Variants in RUFY1 observed in about 807,000 individuals in gnomAD.
The protein encoded by RUFY1 is RUN and FYVE domain-containing protein 1.
A neutral mutation model predicts 94.6 loss-of-function variants in RUFY1; 54 were observed. That is an observed-to-expected ratio of 0.57 (90% CI 0.46 to 0.72). The LOEUF is 0.72. Among genes scored for constraint, RUFY1 ranks in the 30% least tolerant of loss-of-function variants. The pLI, the probability that RUFY1 is intolerant of heterozygous loss-of-function variation, is 0.00. For missense variants in RUFY1, 883 were observed against 883.9 expected (o/e 1.00, Z 0.01); for synonymous variants, 396 against 347.3 (o/e 1.14, Z -1.56).
intron 9 of RUFY1, chr5:179,590,713 C>G (rs1233984948): frequency 1.3e-5 from 2 of 151,792 alleles, no homozygotes; most frequent in African/African-American, 2.4e-5. Context: ...GTCTCGATCT[C>G]CTGACCTCGT....
chr5:179,589,805 C>T (rs1430499748), intron 9 of RUFY1, among the ~76,000 whole-genome samples, 158 bp downstream of exon 9: 1 of 152,242 alleles, frequency 6.6e-6, no homozygotes, highest in Non-Finnish European at 1.5e-5. Flanking sequence ...GCCCACATCA[C>T]TCTCAGACCA....
chr5:179,573,599 T>C (rs1407093718), intron 5 of RUFY1, among the ~76,000 whole-genome samples: 1 of 149,916 alleles, frequency 6.7e-6, no homozygotes, highest in Non-Finnish European at 1.5e-5. Flanking sequence ...CTCCACTCAC[T>C]GCAACCTCCG....
intron 3 of RUFY1, among the ~76,000 whole-genome samples, chr5:179,563,566 A>C (rs756479814): frequency 4.6e-5 from 7 of 152,220 alleles, no homozygotes; most frequent in Middle Eastern, 3.2e-3. Context: ...AGCCCTGTGC[A>C]TTCTTCTCAA....
chr5:179,600,684 C>CTTTTTTTTTT lies in RUFY1; in HGVS notation c.1762-1187_1762-1178dup, dbSNP rs398000079. ...AGCCTCATTTGTCCTATGATGGTAA[C>CTTTTTTTTTT]TTTTTTTTTTTTTTTTTTTTTTTTT... On this transcript the variant is annotated intron_variant, in intron 14 of 17. Transcript: ENST00000319449. 1.6e-3 allele frequency among the ~76,000 whole-genome samples: 87 copies of CTTTTTTTTTT among 54,716 alleles called. 8 individuals are homozygous for CTTTTTTTTTT. The highest frequency in any genetic ancestry group is 5.2e-3 in the African/African-American group (65 of 12,452). 35.9% of individuals were successfully genotyped at this position (54,716 alleles called of 152,430 possible).
At position 179,573,803 on chromosome 5, in the gene RUFY1, T is replaced by G. The variant is rs866445298; in HGVS notation, c.829-3272T>G. On this transcript the variant is annotated intron_variant, in intron 5 of 17. Coordinates refer to ENST00000319449, the MANE Select transcript of RUFY1 (RefSeq NM_025158.5). ...TCCCAAAGTGCTGGGATTACAGGCG[T>G]GAGCCACCGTGCCCGGCCTACTTTG... Among the ~76,000 whole-genome samples, 15 of 152,276 alleles carry G rather than the reference T, an allele frequency of 9.9e-5. No homozygotes were observed. The Middle Eastern group carries it at 0.01, about 104-fold the overall frequency.
chr5:179,577,706 C>T (rs868600112), intron 6 of RUFY1, among the ~76,000 whole-genome samples: 2 of 151,042 alleles, frequency 1.3e-5, no homozygotes, highest in African/African-American at 2.4e-5. Flanking sequence ...TGATTGGGCC[C>T]GGTGGTGTGG....
Position 179,565,081 on chromosome 5 carries a change from A to C in RUFY1, c.603-2380A>C, listed in dbSNP as rs574292039. Among the ~76,000 whole-genome samples the C allele has an allele frequency of 6.6e-5, 10 of 152,160 alleles. No homozygotes were observed. In the South Asian group the frequency reaches 1.2e-3, roughly 19 times the overall value. On this transcript the variant is annotated intron_variant, in intron 3 of 17. Transcript: ENST00000319449. ...TCGGAAATGAACTTAAACAGAGGAC[A>C]CTATATTAGTGTATAGGGGAGGGGG...
At chr5:179,593,133 T>C (rs1019584447) in intron 10 of RUFY1, among the ~76,000 whole-genome samples, 5 of 152,142 alleles carry the variant, frequency 3.3e-5, no homozygotes, top group African/African-American at 1.2e-4. Flanking sequence ...CAGGCTGGAG[T>C]GGTGTGATTT....
intron 4 of RUFY1, among the ~76,000 whole-genome samples, chr5:179,568,262 AAAT>A (rs1762981873): frequency 6.6e-6 from 1 of 152,214 alleles, no homozygotes; most frequent in Non-Finnish European, 1.5e-5. Context: ...AAAAATAAAA[AAAT>A]AAGTATATAA....
chr5:179,563,461 G>A (rs773984598), intron 3 of RUFY1, among the ~76,000 whole-genome samples: 4 of 152,264 alleles, frequency 2.6e-5, no homozygotes, highest in Admixed American at 2.0e-4. Flanking sequence ...TAACTTGCCC[G>A]AGGTGCCTTG....
intron 14 of RUFY1, among the ~76,000 whole-genome samples, chr5:179,601,587 G>A (rs1189982106): frequency 7.3e-5 from 11 of 150,986 alleles, no homozygotes; most frequent in Non-Finnish European, 1.5e-4. Flanking sequence ...TTGGGAGGCC[G>A]AGGCGGGCAG....
intron 6 of RUFY1, among the ~76,000 whole-genome samples, chr5:179,578,673 C>T (rs565014606): frequency 3.9e-5 from 6 of 152,142 alleles, no homozygotes; most frequent in South Asian, 4.1e-4. Flanking sequence ...GACCGAGTTT[C>T]GCTCTTGTTG....
rs769024218 is a variant in RUFY1, at chr5:179,593,536, T to C, written c.1304T>C (p.Met435Thr). ...IGMKTEMEIA[M>T]KLLEKDTHEK... ...ATGAAAACCGAAATGGAAATTGCAA[T>C]GAAGTTACTGGAAAAGGACACCCAC... The change falls in exon 11 of 18, where the codon ATG becomes ACG. Residue 435 changes from methionine to threonine, a missense_variant. Coordinates refer to ENST00000319449, the MANE Select transcript of RUFY1 (RefSeq NM_025158.5). 1.7e-5 allele frequency: 27 copies of C among 1,613,744 alleles called. No homozygotes were observed. The highest frequency in any genetic ancestry group is 2.0e-5 in the Non-Finnish European group (24 of 1,179,774).
Position 179,609,465 on chromosome 5 carries a change from G to T in RUFY1, c.2073G>T (p.Val691=). 1.2e-6 allele frequency: 2 copies of T among 1,611,584 alleles called. No homozygotes were observed. Among genetic ancestry groups the T allele is most frequent in the Non-Finnish European group, 1.7e-6 (2 of 1,179,720 alleles). The change falls in exon 18 of 18, where the codon GTG becomes GTT. Residue 691 remains valine (V), a synonymous_variant. Transcript: ENST00000319449. ...ALPSYPKPVR[V]CDSCHTLLLQ... ...CCTCCTACCCCAAGCCGGTGCGAGT[G>T]TGCGACAGCTGCCACACCCTGCTCC...
chr5:179,605,520 G>A (rs1766977060), intron 15 of RUFY1, among the ~76,000 whole-genome samples: 1 of 152,216 alleles, frequency 6.6e-6, no homozygotes, highest in African/African-American at 2.4e-5. Context: ...TCAGGTTCCT[G>A]CTGGGGAGAG....
At chr5:179,608,182 T>C (rs35654688) in intron 17 of RUFY1, 33,725 of 447,948 alleles carry the variant, frequency 0.075, 1,356 homozygotes, top group South Asian at 0.11. Context: ...ACCAGCTGGG[T>C]AGGGGAAGAG....
rs373344091 is a variant in RUFY1 at position 179,565,137 on chromosome 5, TATGCCTTTTA to T, written c.603-2321_603-2312del. ...AAGGTGGAGGACAAGGAGACAAGTA[TATGCCTTTTA>T]ATACTTTCTAGGTTTTCTTTTTTTT... On this transcript the variant is annotated intron_variant, in intron 3 of 17. Transcript: ENST00000319449. Among the ~76,000 whole-genome samples, 806 of 150,812 alleles carry T rather than the reference TATGCCTTTTA, an allele frequency of 5.3e-3. 14 individuals carry two copies. Among genetic ancestry groups the T allele is most frequent in the African/African-American group, 0.019 (761 of 41,080 alleles).
chr5:179,573,842 G>A (rs1034732230), intron 5 of RUFY1, among the ~76,000 whole-genome samples: 2 of 152,086 alleles, frequency 1.3e-5, no homozygotes, highest in Non-Finnish European at 2.9e-5. Context: ...TTTTTTAAGA[G>A]ATGAATGTTG....
chr5:179,567,515 AC>A lies in RUFY1; in HGVS notation c.658del (p.Leu220TrpfsTer5). 6.2e-7 allele frequency: 1 copy of A among 1,614,118 alleles called. No homozygotes were observed. The highest frequency in any genetic ancestry group is 8.5e-7 in the Non-Finnish European group (1 of 1,179,916). Reference sequence around the variant, plus strand: ...TTTATCTTGCACTCATGCAAAAGAAACTGGCAGATTATCTGAAAGTGCTTAT... The same window carrying A: ...TTTATCTTGCACTCATGCAAAAGAAATGGCAGATTATCTGAAAGTGCTTAT... ...WLYLALMQKK[L>X]ADYLKVLIDN... On this transcript the variant is annotated frameshift_variant, in exon 4 of 18. Transcript: ENST00000319449. LOFTEE classifies it high-confidence loss of function.
Sources: allele counts gnomAD v4.1 joint callset (sites outside exome capture counted in the v4.1 genomes callset), GRCh38; gene constraint gnomAD v4.1.1; transcripts MANE v1.5; gene names NCBI Gene and HGNC (gene_info 2026-07-23, HGNC 2026-07-21).